The following FAM151B variants were observed in gnomAD, a reference collection of about 807,000 sequenced individuals.
FAM151B encodes the protein family with sequence similarity 151 member B.
Under a neutral mutation model 31.2 loss-of-function variants are expected in FAM151B, and 24 were observed. The ratio of observed to expected loss-of-function variants is 0.77; its 90% CI spans 0.56 to 1.08. The LOEUF is 1.08. Among genes scored for constraint, FAM151B ranks in the 50% least tolerant of loss-of-function variants. The pLI is 0.00. For missense variants in FAM151B, 293 were observed against 328.6 expected, an observed-to-expected ratio of 0.89 and a Z score of 0.84; for synonymous variants, 105 against 111.4, an observed-to-expected ratio of 0.94 and a Z score of 0.36.
At chr5:80,526,543 T>G (rs555320610) in intron 5 of FAM151B, among the ~76,000 whole-genome samples, 1 of 152,084 alleles carries the variant, frequency 6.6e-6, no homozygotes, top group East Asian at 1.9e-4. Flanking sequence ...TCGCTTGAAT[T>G]TGGGAGATGG....
rs572811587 is a variant in FAM151B, at chr5:80,500,360, G to T, written c.26-1432G>T. On this transcript the variant is annotated intron_variant, in intron 1 of 5. Transcript: ENST00000282226. Reference sequence around the variant, plus strand: ...GGAGGGTGTAGAAGAGAAAGAGAAGGTTCCTGCTGTGCCAGAAACCCTTAA... The same window carrying T: ...GGAGGGTGTAGAAGAGAAAGAGAAGTTTCCTGCTGTGCCAGAAACCCTTAA... The T allele has an allele frequency of 6.2e-6, 7 of 1,123,982 alleles. No homozygotes were observed. In the South Asian group the frequency reaches 7.4e-5, roughly 12 times the overall value. The allele number at this position is 1,123,982 out of a possible 1,614,324, so 69.6% of individuals were successfully genotyped here.
chr5:80,494,456 T>TTTTCTTTC lies in FAM151B; in HGVS notation c.25+6372_25+6379dup, dbSNP rs3043120. On this transcript the variant is annotated intron_variant, in intron 1 of 5. Coordinates refer to ENST00000282226, the MANE Select transcript of FAM151B (RefSeq NM_205548.3). ...GTCTTTCTTTCTTTTTCTTTCTTTC[T>TTTTCTTTC]TTTCTTTCTTTCTTTCTTTCTTTCT... 1.7e-3 allele frequency among the ~76,000 whole-genome samples: 140 copies of TTTTCTTTC among 82,712 alleles called. 1 individual carries two copies. The highest frequency in any genetic ancestry group is 4.9e-3 in the East Asian group (13 of 2,668). The allele number at this position is 82,712 out of a possible 152,430, so 54.3% of individuals were successfully genotyped here.
chr5:80,522,687 G>C (rs1315118815), intron 5 of FAM151B, among the ~76,000 whole-genome samples: 1 of 152,034 alleles, frequency 6.6e-6, no homozygotes, highest in Admixed American at 6.6e-5. Flanking sequence ...GCTTGAAACT[G>C]GGAGGCCGAG....
rs191466247 is a variant in FAM151B, at chr5:80,500,713, T to C, written c.26-1079T>C. The C allele has an allele frequency of 2.8e-5, 23 of 830,184 alleles. No homozygotes were observed. In the East Asian group the frequency reaches 5.1e-4, roughly 18 times the overall value. The allele number at this position is 830,184 out of a possible 1,614,324, so 51.4% of individuals were successfully genotyped here. On this transcript the variant is annotated intron_variant, in intron 1 of 5. Transcript: ENST00000282226. The stretch of plus-strand genomic sequence containing the variant: ...GAACCTTTGTGAAGCTCAACAGGCT[T>C]CAGTTAACATGCTGAGGATTGTAGA...
intron 2 of FAM151B, among the ~76,000 whole-genome samples, chr5:80,503,038 A>AT (rs1316965349): frequency 6.6e-6 from 1 of 152,188 alleles, no homozygotes; most frequent in Non-Finnish European, 1.5e-5. Context: ...TTTTTCTAGA[A>AT]TTAGAGAGTG....
chr5:80,520,837 C>G (rs1744674495), intron 4 of FAM151B, among the ~76,000 whole-genome samples: 1 of 140,340 alleles, frequency 7.1e-6, no homozygotes, highest in Non-Finnish European at 1.5e-5. Context: ...TAAATAGAGT[C>G]TTGCTCTGTT....
chr5:80,494,468 C>CTTTCT (rs1743444657), intron 1 of FAM151B, among the ~76,000 whole-genome samples: 5 of 43,576 alleles, frequency 1.1e-4, no homozygotes, highest in African/African-American at 4.1e-4. Flanking sequence ...TTCTTTCTTT[C>CTTTCT]TTTCTTTCTT....
At chr5:80,490,047 CACACAT>C (rs1743259156) in intron 1 of FAM151B, among the ~76,000 whole-genome samples, 1 of 150,798 alleles carries the variant, frequency 6.6e-6, no homozygotes, top group African/African-American at 2.5e-5. Flanking sequence ...CACACACACA[CACACAT>C]TCTCAACATA....
At chr5:80,529,491 CAAGACTAATAAAG>C (rs1662956171) in intron 5 of FAM151B, among the ~76,000 whole-genome samples, 1 of 151,878 alleles carries the variant, frequency 6.6e-6, no homozygotes, top group Non-Finnish European at 1.5e-5. Context: ...AGACCGCTAG[CAAGACTAATAAAG>C]AAGAAAAGAG....
rs1743763059 is a variant in FAM151B at position 80,501,884 on chromosome 5, A to C, written c.118A>C (p.Asn40His). ...TGAGATCACCTGGTATCATGCAGCT[A>C]ACCACAAGGCACAAACAAATGAGGC... ...GAEITWYHAA[N>H]HKAQTNEALK... Residue 40 changes from asparagine to histidine, a missense_variant, in exon 2 of 6, where the codon AAC (asparagine) becomes CAC (histidine). Transcript: ENST00000282226. 2 of 1,604,482 alleles carry C rather than the reference A, an allele frequency of 1.2e-6. No individual in the cohort carries two copies. Among genetic ancestry groups the C allele is most frequent in the African/African-American group, 1.3e-5 (1 of 74,666 alleles).
Position 80,488,165 on chromosome 5 carries a change from C to A in FAM151B, c.25+17C>A. Reference sequence around the variant, plus strand: ...GAGGCCCAGGTAAGCGCCGAGCGCGCGGCCTCTGCCTGGAGGTGGGGCGCT... The same window carrying A: ...GAGGCCCAGGTAAGCGCCGAGCGCGAGGCCTCTGCCTGGAGGTGGGGCGCT... On this transcript the variant is annotated intron_variant, in intron 1 of 5. Transcript: ENST00000282226. The A allele has an allele frequency of 6.5e-7, 1 of 1,540,310 alleles. No individual in the cohort carries two copies. Among genetic ancestry groups the A allele is most frequent in the Non-Finnish European group, 8.7e-7 (1 of 1,144,994 alleles).
chr5:80,511,495 G>T (rs1162998959), intron 2 of FAM151B, among the ~76,000 whole-genome samples: 1 of 150,920 alleles, frequency 6.6e-6, no homozygotes, highest in Admixed American at 6.6e-5. Flanking sequence ...TGCAGTGCAG[G>T]TTGGCCACCT....
chr5:80,501,847 A>G lies in FAM151B; in HGVS notation c.81A>G (p.Ala27=). The G allele has an allele frequency of 6.2e-7, 1 of 1,605,272 alleles. No individual in the cohort carries two copies. Among genetic ancestry groups the G allele is most frequent in the Non-Finnish European group, 8.5e-7 (1 of 1,174,528 alleles). ...TTCTGAGAAATAGCCAGATTACAGC[A>G]GAAGACGGTGCTGAGATCACCTGGT... ...EYFLRNSQIT[A]EDGAEITWYH... The change falls in exon 2 of 6, where the codon GCA becomes GCG. Residue 27 remains alanine (A), a synonymous_variant. Transcript: ENST00000282226.
chr5:80,510,930 A>T (rs1161899071), intron 2 of FAM151B: 1 of 152,236 alleles, frequency 6.6e-6, no homozygotes, highest in Admixed American at 6.5e-5. Context: ...GTCGGATAAG[A>T]AGACATGCCC....
intron 3 of FAM151B, among the ~76,000 whole-genome samples, chr5:80,518,120 A>G (rs1744547041): frequency 6.6e-6 from 1 of 151,946 alleles, no homozygotes; most frequent in Admixed American, 6.6e-5. Context: ...CAGATGAAGA[A>G]TCAATCTTAA....
intron 2 of FAM151B, among the ~76,000 whole-genome samples, chr5:80,510,035 C>T (rs749176697): frequency 2.0e-4 from 31 of 152,074 alleles, no homozygotes; most frequent in Non-Finnish European, 3.2e-4. Flanking sequence ...GCCAATGCCA[C>T]ATGTTTCAGG....
At chr5:80,512,056 A>G (rs796990474) in intron 2 of FAM151B, among the ~76,000 whole-genome samples, 7 of 152,178 alleles carry the variant, frequency 4.6e-5, no homozygotes, top group African/African-American at 1.4e-4. Context: ...TTCAAATTTG[A>G]CTCCACAGAG....
chr5:80,493,683 G>A (rs556451613), intron 1 of FAM151B, among the ~76,000 whole-genome samples: 89 of 152,274 alleles, frequency 5.8e-4, no homozygotes, highest in Middle Eastern at 3.4e-3. Context: ...GCCTCCTGCA[G>A]TACCCTCAGG....
chr5:80,524,688 T>C (rs1744879476), intron 5 of FAM151B, among the ~76,000 whole-genome samples: 1 of 152,202 alleles, frequency 6.6e-6, no homozygotes, highest in Admixed American at 6.5e-5. Flanking sequence ...TTATGTAGAC[T>C]ATACTTTTTA....
Sources: gnomAD v4.1 joint callset for allele counts (sites outside exome capture counted in the v4.1 genomes callset) on GRCh38, gnomAD v4.1.1 for gene constraint, MANE v1.5 for transcripts, NCBI Gene and HGNC (gene_info 2026-07-23, HGNC 2026-07-21) for gene names.